The following DCAF6 variants were observed in gnomAD, a reference collection of about 807,000 sequenced individuals.
DCAF6 encodes the protein DDB1- and CUL4-associated factor 6.
In DCAF6, 54 loss-of-function variants were observed where a neutral mutation model predicts 125.1. The observed-to-expected ratio is 0.43, with a 90% CI of 0.35 to 0.54. DCAF6 has a LOEUF of 0.54. Among genes scored for constraint, DCAF6 ranks in the 20% least tolerant of loss-of-function variants. The pLI is 0.01. For synonymous variants in DCAF6, 371 were observed against 390.4 expected, an observed-to-expected ratio of 0.95 and a Z score of 0.58; for missense variants, 934 against 1,161.7, an observed-to-expected ratio of 0.80 and a Z score of 2.85.
At chr1:168,035,212 A>T (rs191083752) in intron 12 of DCAF6, among the ~76,000 whole-genome samples, 1 of 152,284 alleles carries the variant, frequency 6.6e-6, no homozygotes, top group Non-Finnish European at 1.5e-5. Context: ...TTGAGAGGCC[A>T]AGGCAGACGG....
Position 167,936,888 on chromosome 1 carries a change from C to G in DCAF6, c.-24C>G. The G allele has an allele frequency of 6.4e-7, 1 of 1,568,838 alleles. No individual in the cohort carries two copies. Among genetic ancestry groups the G allele is most frequent in the Non-Finnish European group, 8.6e-7 (1 of 1,156,382 alleles). On this transcript the variant is annotated 5_prime_UTR_variant, in exon 1 of 22. Coordinates refer to ENST00000367840, the MANE Select transcript of DCAF6 (RefSeq NM_001198956.2). ...CCCCTCCCCCACGCGGTGGTCTCCC[C>G]TCCCACCCGGCTCAGGCAGAGCCAT...
At chr1:167,881,436 T>A in the DCAF6 span, among the ~76,000 whole-genome samples, 6 of 152,328 alleles carry the variant, frequency 3.9e-5, no homozygotes, top group Admixed American at 6.5e-5. Flanking sequence ...AAGAATTTGA[T>A]CAACTGTTAG....
chr1:167,999,741 C>T (rs1371229097), intron 7 of DCAF6, among the ~76,000 whole-genome samples: 2 of 152,158 alleles, frequency 1.3e-5, no homozygotes, highest in African/African-American at 4.8e-5. Context: ...AGATTTAGCG[C>T]CTTGCTCTGG....
At chr1:167,980,621 A>T (rs1016076878) in intron 4 of DCAF6, among the ~76,000 whole-genome samples, 1 of 151,742 alleles carries the variant, frequency 6.6e-6, no homozygotes, top group African/African-American at 2.4e-5. Flanking sequence ...TTCTTTGGAG[A>T]AATCTCCTTT....
intron 3 of DCAF6, among the ~76,000 whole-genome samples, chr1:167,972,330 A>G (rs1466325041): frequency 6.6e-6 from 1 of 152,244 alleles, no homozygotes; most frequent in Non-Finnish European, 1.5e-5. Flanking sequence ...CATAACACGA[A>G]TAATAATTCT....
Position 167,936,978 on chromosome 1 carries a change from G to T in DCAF6, c.67G>T (p.Asp23Tyr). ...DVRKRSLGLE[D>Y]PSRLRSRYLG... Reference sequence around the variant, plus strand: ...GAGGAAAAGGTCCCTCGGGCTGGAGGACCCGTCCCGGCTGCGGAGTCGCTA... The same window carrying T: ...GAGGAAAAGGTCCCTCGGGCTGGAGTACCCGTCCCGGCTGCGGAGTCGCTA... Residue 23 changes from aspartate (D) to tyrosine (Y), a missense_variant, in exon 1 of 22, where the codon GAC becomes TAC. Physicochemically the swap from Asp to Tyr is radical, Grantham distance 160. This residue lies in a region of DCAF6 where 309 missense variants were observed against 381.2 expected (regional missense o/e 0.81). Coordinates refer to ENST00000367840, the MANE Select transcript of DCAF6 (RefSeq NM_001198956.2). The T allele has an allele frequency of 6.2e-7, 1 of 1,611,004 alleles. No individual in the cohort carries two copies. The highest frequency in any genetic ancestry group is 1.1e-5 in the South Asian group (1 of 90,352).
At chr1:168,066,043 C>T (rs1692285256) in intron 19 of DCAF6, among the ~76,000 whole-genome samples, 1 of 152,130 alleles carries the variant, frequency 6.6e-6, no homozygotes, top group African/African-American at 2.4e-5. Context: ...ATGGAACATC[C>T]AGTCATTTTT....
chr1:167,923,783 G>A, the DCAF6 span, among the ~76,000 whole-genome samples: 1 of 151,962 alleles, frequency 6.6e-6, no homozygotes, highest in Non-Finnish European at 1.5e-5. Context: ...TGAAAACAGA[G>A]CTCACTGGAC....
chr1:167,941,355 A>G (rs1389773360), intron 1 of DCAF6, among the ~76,000 whole-genome samples: 1 of 152,236 alleles, frequency 6.6e-6, no homozygotes, highest in Non-Finnish European at 1.5e-5. Flanking sequence ...GCTTCCTAAA[A>G]TAGGATGAAT....
the DCAF6 span, chr1:167,870,224 G>A: frequency 6.2e-7 from 1 of 1,612,948 alleles, no homozygotes; most frequent in Non-Finnish European, 8.5e-7. Flanking sequence ...GATTCTATGG[G>A]TTCACACAGA....
chr1:167,869,127 G>A, the DCAF6 span, among the ~76,000 whole-genome samples: 4 of 152,182 alleles, frequency 2.6e-5, no homozygotes, highest in African/African-American at 4.8e-5. Context: ...ATGCCCGTAC[G>A]AGTGTAGCAC....
intron 16 of DCAF6, among the ~76,000 whole-genome samples, chr1:168,048,397 C>G (rs1689405403): frequency 1.3e-5 from 2 of 151,964 alleles, no homozygotes; most frequent in African/African-American, 4.8e-5. Flanking sequence ...GTTTTTGTTC[C>G]AAATTTAATT....
chr1:168,018,200 A>C (rs1685225061), intron 11 of DCAF6, among the ~76,000 whole-genome samples: 1 of 152,196 alleles, frequency 6.6e-6, no homozygotes, highest in Admixed American at 6.5e-5. Context: ...AAGGGGCCTG[A>C]TGCTGGTTTA....
At position 167,981,897 on chromosome 1, in the gene DCAF6, A is replaced by G. The variant is rs572488721; in HGVS notation, c.439-5598A>G. On this transcript the variant is annotated intron_variant, in intron 4 of 21. Transcript: ENST00000367840. The stretch of plus-strand genomic sequence containing the variant: ...GTTTTCTTTTGGATATATACCCAGG[A>G]TTGGGATTGCTGGGTTGAATGGTCA... Among the ~76,000 whole-genome samples the G allele has an allele frequency of 2.7e-3, 407 of 152,304 alleles. 3 individuals are homozygous for G. Among genetic ancestry groups the G allele is most frequent in the Non-Finnish European group, 4.2e-3 (287 of 68,024 alleles).
intron 12 of DCAF6, among the ~76,000 whole-genome samples, 182 bp from the exon 13 acceptor site, chr1:168,038,189 A>G (rs1688082264): frequency 6.6e-6 from 1 of 152,224 alleles, no homozygotes; most frequent in African/African-American, 2.4e-5. Flanking sequence ...ATGTAGTGCT[A>G]CTTTGAAATA....
At chr1:168,060,133 C>T (rs1459396839) in intron 17 of DCAF6, among the ~76,000 whole-genome samples, 8 of 152,076 alleles carry the variant, frequency 5.3e-5, no homozygotes, top group African/African-American at 1.7e-4. Context: ...ATGTATCCAG[C>T]TACATTCCTT....
At chr1:168,018,488 C>T (rs1442971869) in intron 11 of DCAF6, among the ~76,000 whole-genome samples, 1 of 152,188 alleles carries the variant, frequency 6.6e-6, no homozygotes, top group African/African-American at 2.4e-5. Context: ...CGACTACCCA[C>T]CTGCTTGCTC....
the DCAF6 span, among the ~76,000 whole-genome samples, chr1:167,877,591 T>C: frequency 6.6e-6 from 1 of 152,176 alleles, no homozygotes; most frequent in Non-Finnish European, 1.5e-5. Flanking sequence ...AAATAATTAG[T>C]ATCTTCAAAG....
intron 7 of DCAF6, among the ~76,000 whole-genome samples, chr1:167,994,561 T>C (rs1681365201): frequency 6.6e-6 from 1 of 152,174 alleles, no homozygotes; most frequent in African/African-American, 2.4e-5. Context: ...GTTAAAGTAG[T>C]TGTATATATT....
Sources: gnomAD v4.1 joint callset for allele counts (sites outside exome capture counted in the v4.1 genomes callset) on GRCh38, gnomAD v4.1.1 for gene constraint, gnomAD v4.1.1 regional missense constraint, MANE v1.5 for transcripts, NCBI Gene and HGNC (gene_info 2026-07-23, HGNC 2026-07-21) for gene names.